The following DAB1 variants were observed in gnomAD, a reference collection of about 807,000 sequenced individuals.
DAB1 encodes the protein disabled homolog 1.
A neutral mutation model predicts 64.6 loss-of-function variants in DAB1; 15 were observed. That is an observed-to-expected ratio of 0.23 (90% confidence interval 0.16 to 0.36). The LOEUF (loss-of-function observed/expected upper bound fraction) is 0.36, where lower values mean the gene tolerates loss of function less well. Among genes scored for constraint, DAB1 ranks in the 10% least tolerant of loss-of-function variants. DAB1 has a pLI of 1.00. For synonymous variants in DAB1, 235 were observed against 251.9 expected (o/e 0.93, Z 0.64); for missense variants, 596 against 706.7 (o/e 0.84, Z 1.78).
intron 5 of DAB1, among the ~76,000 whole-genome samples, chr1:57,907,134 G>A (rs1442517511): frequency 6.6e-6 from 1 of 152,168 alleles, no homozygotes; most frequent in East Asian, 1.9e-4. Context: ...CATATCATTA[G>A]TTATTCTGTG....
intron 7 of DAB1, among the ~76,000 whole-genome samples, chr1:57,533,538 G>GATATATATATATATATATATAT (rs1558468342): frequency 1.6e-5 from 1 of 63,118 alleles, no homozygotes; most frequent in Non-Finnish European, 3.0e-5. Context: ...ATTCATAACA[G>GATATATATATATATATATATAT]GTATATATAT....
intron 1 of DAB1, among the ~76,000 whole-genome samples, chr1:57,310,575 G>A (rs866179219): frequency 7.9e-5 from 12 of 152,284 alleles, no homozygotes; most frequent in Middle Eastern, 3.4e-3. Context: ...GGTTTTCCGG[G>A]CTGGCTTCTC....
At chr1:57,168,354 CT>C (rs1344811160) in intron 2 of DAB1, among the ~76,000 whole-genome samples, 1 of 152,212 alleles carries the variant, frequency 6.6e-6, no homozygotes, top group African/African-American at 2.4e-5. Flanking sequence ...GATAAATTCC[CT>C]GCTCTTGTGG....
At position 57,636,783 on chromosome 1, in the gene DAB1, T is replaced by A. The variant is rs561884389; in HGVS notation, n.625+12809A>T. Among the ~76,000 whole-genome samples the A allele has an allele frequency of 3.9e-5, 6 of 151,932 alleles. No individual in the cohort carries two copies. The South Asian group carries it at 1.3e-3, about 32-fold the overall frequency. On this transcript the variant is annotated intron_variant and non_coding_transcript_variant, in intron 7 of 20. Coordinates refer to the DAB1 transcript ENST00000485760. The stretch of plus-strand genomic sequence containing the variant: ...AATAGCTGGGGCAGATAATCGAGAG[T>A]TTAGTTCTGAATTTTCTTGAAGTTT...
intron 3 of DAB1, among the ~76,000 whole-genome samples, chr1:58,487,965 T>C (rs1181214708): frequency 6.6e-6 from 1 of 152,186 alleles, no homozygotes; most frequent in Non-Finnish European, 1.5e-5. Flanking sequence ...ATTATGACTT[T>C]GACTAAATTT....
chr1:57,334,924 G>A (rs1676957647), intron 1 of DAB1, among the ~76,000 whole-genome samples: 1 of 152,118 alleles, frequency 6.6e-6, no homozygotes, highest in African/African-American at 2.4e-5. Flanking sequence ...GGAAACTGAG[G>A]CCCAGAGAAG....
chr1:58,379,404 T>C (rs1056575488), intron 3 of DAB1, among the ~76,000 whole-genome samples: 2 of 152,246 alleles, frequency 1.3e-5, no homozygotes, highest in African/African-American at 4.8e-5. Context: ...ACTCATTTGC[T>C]ATACCCTCTA....
At chr1:57,989,063 G>T (rs1257445786) in intron 5 of DAB1, among the ~76,000 whole-genome samples, 1 of 152,062 alleles carries the variant, frequency 6.6e-6, no homozygotes. Flanking sequence ...AGTGGGCCTG[G>T]GCTCCAAATC....
intron 5 of DAB1, among the ~76,000 whole-genome samples, chr1:58,096,435 G>A (rs1162287453): frequency 1.3e-5 from 2 of 152,220 alleles, no homozygotes; most frequent in Admixed American, 6.5e-5. Context: ...CATATGCTTT[G>A]TGATAGCTGT....
intron 11 of DAB1, among the ~76,000 whole-genome samples, chr1:57,018,719 C>T (rs986813595): frequency 7.9e-5 from 12 of 152,298 alleles, no homozygotes; most frequent in African/African-American, 1.2e-4. Flanking sequence ...TCCTTGCTGC[C>T]ATGAAGGACT....
chr1:57,970,440 A>G lies in DAB1; in HGVS notation n.388-86278T>C, dbSNP rs538455315. Among the ~76,000 whole-genome samples the G allele has an allele frequency of 3.9e-5, 6 of 152,092 alleles. No individual in the cohort carries two copies. In the East Asian group the frequency reaches 5.8e-4, roughly 15 times the overall value. ...GAATAGCAACATGGAGAAAATGCCA[A>G]TTTTCCCAGGGCTCCTTGCTGGGAT... On this transcript the variant is annotated intron_variant and non_coding_transcript_variant, in intron 5 of 20. Coordinates refer to the DAB1 transcript ENST00000485760.
At chr1:57,436,284 T>C (rs927782710) in intron 7 of DAB1, among the ~76,000 whole-genome samples, 21 of 152,328 alleles carry the variant, frequency 1.4e-4, no homozygotes, top group African/African-American at 5.1e-4. Context: ...ACCACAGACA[T>C]GTGAGTATGC....
chr1:57,867,285 T>C (rs17579100), intron 1 of DAB1: 35,509 of 152,062 alleles, frequency 0.23, 4,927 homozygotes, highest in Non-Finnish European at 0.31. Context: ...TAGGGAAATA[T>C]GGGTCTCCCT....
intron 2 of DAB1, among the ~76,000 whole-genome samples, chr1:57,182,497 A>G (rs1663081468): frequency 6.6e-6 from 1 of 152,190 alleles, no homozygotes; most frequent in Non-Finnish European, 1.5e-5. Flanking sequence ...AAGGCCCCTT[A>G]CTGTTTACAT....
intron 1 of DAB1, among the ~76,000 whole-genome samples, chr1:58,531,734 G>C (rs1355879118): frequency 6.6e-6 from 1 of 151,078 alleles, no homozygotes; most frequent in Non-Finnish European, 1.5e-5. Context: ...TTTTGAGACA[G>C]AGTCTTGCCC....
At chr1:58,009,928 T>C (rs1256450623) in intron 5 of DAB1, among the ~76,000 whole-genome samples, 12 of 152,182 alleles carry the variant, frequency 7.9e-5, no homozygotes, top group African/African-American at 2.4e-4. Context: ...ATGCTTGGTT[T>C]TTATCAATTA....
intron 7 of DAB1, among the ~76,000 whole-genome samples, chr1:57,564,828 G>T (rs996186855): frequency 6.6e-6 from 1 of 152,184 alleles, no homozygotes; most frequent in South Asian, 2.1e-4. Context: ...AAGGAGAATG[G>T]AACCAAGTTG....
chr1:57,700,881 C>CT (rs1490709007), intron 6 of DAB1, among the ~76,000 whole-genome samples: 1 of 152,082 alleles, frequency 6.6e-6, no homozygotes, highest in African/African-American at 2.4e-5. Context: ...ATTCTGCTTT[C>CT]TTTTTTTCCT....
chr1:57,145,574 A>G lies in DAB1; in HGVS notation c.68-145T>C, dbSNP rs952135691. 14 of 746,978 alleles carry G rather than the reference A, an allele frequency of 1.9e-5. No individual in the cohort carries two copies. In the East Asian group the frequency reaches 2.9e-4, roughly 15 times the overall value. The allele number at this position is 746,978 out of a possible 1,614,324, so 46.3% of individuals were successfully genotyped here. ...GGACTCAGGAGAAAAGAATAGCAGT[A>G]TTCCTAAATGTAAATTCTGACTCCA... On this transcript the variant is annotated intron_variant, in intron 2 of 14. Coordinates refer to ENST00000371236, the MANE Select transcript of DAB1 (RefSeq NM_001365792.1).
Sources: allele counts gnomAD v4.1 joint callset (sites outside exome capture counted in the v4.1 genomes callset), GRCh38; gene constraint gnomAD v4.1.1; transcripts MANE v1.5; gene names NCBI Gene and HGNC (gene_info 2026-07-23, HGNC 2026-07-21).